The following AP1G1 variants were observed in gnomAD, a reference collection of about 807,000 sequenced individuals.
The protein encoded by AP1G1 is adaptor related protein complex 1 subunit gamma 1.
A neutral mutation model predicts 108.3 loss-of-function variants in AP1G1; 7 were observed. The ratio of observed to expected loss-of-function variants is 0.06; its 90% CI spans 0.04 to 0.12. AP1G1 has a LOEUF of 0.12. Ranked by LOEUF, AP1G1 falls within the 10% of genes least tolerant of loss-of-function variation. AP1G1 has a pLI of 1.00. For synonymous variants in AP1G1, 379 were observed against 353.5 expected (o/e 1.07, Z -0.81); for missense variants, 756 against 1,010.7 (o/e 0.75, Z 3.42).
chr16:71,772,998 T>A (rs1274839912), intron 4 of AP1G1: 6 of 626,314 alleles, frequency 9.6e-6, no homozygotes, highest in African/African-American at 1.8e-5. Flanking sequence ...AACTTAGGAA[T>A]TTGGTATGCC....
chr16:71,733,346 C>T (rs2045492521), intron 22 of AP1G1, among the ~76,000 whole-genome samples, 187 bp from the exon 23 acceptor site: 1 of 152,204 alleles, frequency 6.6e-6, no homozygotes, highest in African/African-American at 2.4e-5. Context: ...CTAACAATGT[C>T]ATGCCACCAA....
At chr16:71,734,863 C>T (rs1396488959) in intron 21 of AP1G1, among the ~76,000 whole-genome samples, 156 bp from the exon 22 acceptor site, 1 of 152,226 alleles carries the variant, frequency 6.6e-6, no homozygotes, top group Non-Finnish European at 1.5e-5. Context: ...ATCAGGAATT[C>T]ACAGCACGTG....
rs1479915439 is a variant in AP1G1 at position 71,731,795 on chromosome 16, A to G, written c.*1263T>C. On this transcript the variant is annotated 3_prime_UTR_variant, in exon 23 of 23. Coordinates refer to ENST00000299980, the MANE Select transcript of AP1G1 (RefSeq NM_001128.6). ...ACTGAGGAAAGGCTATTCCTACCCT[A>G]TGGTGTCCGTAAGACCTCCTCTGAC... 6 of 152,624 alleles carry G rather than the reference A, an allele frequency of 3.9e-5. No homozygotes were observed. The East Asian group carries it at 1.2e-3, about 29-fold the overall frequency. 9.5% of individuals were successfully genotyped at this position (152,624 alleles called of 1,614,324 possible).
At chr16:71,746,894 C>CT in intron 16 of AP1G1, 1 of 411,580 alleles carries the variant, frequency 2.4e-6, no homozygotes, top group Non-Finnish European at 4.4e-6. Flanking sequence ...CATTGTAACA[C>CT]TAGATTTTTG....
At chr16:71,777,195 C>A (rs8051760) in intron 2 of AP1G1, among the ~76,000 whole-genome samples, 74,265 of 146,960 alleles carry the variant, frequency 0.51, 19,306 homozygotes, top group Middle Eastern at 0.65. Flanking sequence ...CCCAGCCCAC[C>A]CCCAGTCTGG....
chr16:71,759,042 A>T, intron 10 of AP1G1, 121 bp from the exon 11 acceptor site: 1 of 626,232 alleles, frequency 1.6e-6, no homozygotes, highest in Admixed American at 3.5e-5. Flanking sequence ...TTTTTATTTA[A>T]AAGAAAGTTA....
At chr16:71,741,639 G>A (rs2045623170) in intron 19 of AP1G1, among the ~76,000 whole-genome samples, 1 of 152,130 alleles carries the variant, frequency 6.6e-6, no homozygotes, top group Non-Finnish European at 1.5e-5. Flanking sequence ...TAGAAATACG[G>A]ATGGCTAAGC....
chr16:71,762,865 A>G (rs1457244027), intron 9 of AP1G1, among the ~76,000 whole-genome samples: 1 of 152,228 alleles, frequency 6.6e-6, no homozygotes, highest in African/African-American at 2.4e-5. Flanking sequence ...GTTAGTCAGA[A>G]GCACAGGTCA....
intron 1 of AP1G1, among the ~76,000 whole-genome samples, chr16:71,794,114 C>CA (rs2142265389): frequency 6.6e-6 from 1 of 152,254 alleles, no homozygotes; most frequent in South Asian, 2.1e-4. Flanking sequence ...AACATGAATA[C>CA]AAAATTATAT....
intron 21 of AP1G1, among the ~76,000 whole-genome samples, chr16:71,738,626 CTG>C (rs1217384282): frequency 1.3e-5 from 2 of 152,146 alleles, no homozygotes; most frequent in Non-Finnish European, 2.9e-5. Context: ...GTCTTTAACA[CTG>C]TATTACTAAA....
chr16:71,741,737 T>C (rs1389911081), intron 19 of AP1G1, among the ~76,000 whole-genome samples: 2 of 152,126 alleles, frequency 1.3e-5, no homozygotes, highest in Non-Finnish European at 2.9e-5. Context: ...TTCATACAGT[T>C]CTCCTAGTCT....
chr16:71,771,464 T>C (rs2031567734), intron 4 of AP1G1, among the ~76,000 whole-genome samples: 1 of 152,252 alleles, frequency 6.6e-6, no homozygotes, highest in South Asian at 2.1e-4. Context: ...GGCAGGAGAA[T>C]CACTTGAGCC....
intron 1 of AP1G1, among the ~76,000 whole-genome samples, chr16:71,804,556 C>T (rs1444495140): frequency 1.3e-5 from 2 of 151,890 alleles, no homozygotes; most frequent in Non-Finnish European, 2.9e-5. Context: ...TGCAGGTGCA[C>T]ATCACCATGC....
At chr16:71,758,785 G>C in intron 11 of AP1G1, 23 bp downstream of exon 11, 1 of 1,428,472 alleles carries the variant, frequency 7.0e-7, no homozygotes, top group Non-Finnish European at 9.7e-7. Context: ...ACACTAGACT[G>C]AGAAAGGCTC....
At chr16:71,783,567 A>G (rs1017365080) in intron 2 of AP1G1, among the ~76,000 whole-genome samples, 14 of 152,238 alleles carry the variant, frequency 9.2e-5, no homozygotes, top group East Asian at 5.8e-4. Context: ...AAAAAGATGT[A>G]TAAGACTGTA....
intron 6 of AP1G1, chr16:71,767,791 T>G: frequency 7.4e-7 from 1 of 1,352,120 alleles, no homozygotes; most frequent in African/African-American, 1.4e-5. Context: ...TAGTATATTT[T>G]AAAAGCCACA....
At chr16:71,738,318 C>T (rs2045575616) in intron 21 of AP1G1, among the ~76,000 whole-genome samples, 1 of 152,040 alleles carries the variant, frequency 6.6e-6, no homozygotes, top group Non-Finnish European at 1.5e-5. Flanking sequence ...CTCAGCCTCC[C>T]AAAGTACTGG....
intron 1 of AP1G1, chr16:71,808,450 A>G: frequency 8.3e-7 from 1 of 1,199,202 alleles, no homozygotes; most frequent in Non-Finnish European, 1.1e-6. Context: ...GGCTCCCTGA[A>G]TGAGCCCTCA....
intron 2 of AP1G1, among the ~76,000 whole-genome samples, chr16:71,784,809 T>C (rs1174069054): frequency 6.6e-6 from 1 of 151,670 alleles, no homozygotes; most frequent in Non-Finnish European, 1.5e-5. Context: ...TCCCCCTACC[T>C]TGGCCTCCCA....
Sources: gnomAD v4.1 joint callset for allele counts (sites outside exome capture counted in the v4.1 genomes callset) on GRCh38, gnomAD v4.1.1 for gene constraint, MANE v1.5 for transcripts, NCBI Gene and HGNC (gene_info 2026-07-23, HGNC 2026-07-21) for gene names.